RPTOR: variants seen among roughly 807,000 people sequenced by gnomAD.
RPTOR encodes regulatory-associated protein of mTOR.
A neutral mutation model predicts 169.9 loss-of-function variants in RPTOR; 21 were observed. That is an observed-to-expected ratio of 0.12 (90% CI 0.09 to 0.18). The LOEUF is 0.18. RPTOR is among the 10% of genes least tolerant of loss of function. RPTOR has a pLI of 1.00. For synonymous variants in RPTOR, 732 were observed against 753.2 expected (o/e 0.97, Z 0.46); for missense variants, 1,133 against 1,855.9 (o/e 0.61, Z 7.16).
At position 80,957,797 on chromosome 17, in the gene RPTOR, A is replaced by T. The variant is rs1656788936; in HGVS notation, c.3477+67A>T. ...AGTGTGTGCAGGGCTGGTCCTCGTC[A>T]CAGAACCCAGCAAAGTGTGCGGTGA... is the stretch of plus-strand genomic sequence containing the variant. On this transcript the variant is annotated intron_variant, in intron 29 of 33. Transcript: ENST00000306801. The surrounding 1 kb of genome is among the most constrained non-coding windows in gnomAD (Gnocchi z 4.6). The T allele has an allele frequency of 3.5e-6, 5 of 1,447,976 alleles. No homozygotes were observed. Among genetic ancestry groups the T allele is most frequent in the Non-Finnish European group, 4.8e-6 (5 of 1,032,164 alleles). The allele number at this position is 1,447,976 out of a possible 1,614,324, so 89.7% of individuals were successfully genotyped here.
chr17:80,771,894 A>T (rs539363942), intron 6 of RPTOR, among the ~76,000 whole-genome samples: 1 of 152,164 alleles, frequency 6.6e-6, no homozygotes, highest in African/African-American at 2.4e-5. Context: ...GTCACAGCTC[A>T]CTGCAGCCTC....
chr17:80,933,165 T>C (rs1252789729), intron 24 of RPTOR, among the ~76,000 whole-genome samples: 1 of 152,096 alleles, frequency 6.6e-6, no homozygotes, highest in African/African-American at 2.4e-5. Flanking sequence ...ATAAAACATA[T>C]CATATTGGAA....
intron 1 of RPTOR, among the ~76,000 whole-genome samples, chr17:80,584,544 C>T (rs1016585607): frequency 1.3e-5 from 2 of 151,822 alleles, no homozygotes; most frequent in Non-Finnish European, 2.9e-5. Flanking sequence ...GCCAGGAGTG[C>T]GATTTTTCCT....
intron 1 of RPTOR, among the ~76,000 whole-genome samples, chr17:80,551,550 C>T (rs1280445654): frequency 6.6e-6 from 1 of 152,236 alleles, no homozygotes; most frequent in East Asian, 1.9e-4. Context: ...TATCTCAATG[C>T]TTTACAAAGC....
chr17:80,590,895 G>A (rs976368629), intron 1 of RPTOR, among the ~76,000 whole-genome samples: 1 of 151,354 alleles, frequency 6.6e-6, no homozygotes, highest in African/African-American at 2.4e-5. Flanking sequence ...AGAACTTCCA[G>A]TTACTCATCT....
rs768404459 is a variant in RPTOR at position 80,923,495 on chromosome 17, C to T, written c.2630C>T (p.Ser877Phe). The stretch of plus-strand genomic sequence containing the variant: ...TGTTTTTCTTCCAATGGCAGGGGCT[C>T]CCCTCCGGCGTCCAGCACCAGCAGC... ...KGVHIHQAGG[S>F]PPASSTSSSS... is the part of the protein sequence containing the mutation. Residue 877 changes from serine (S) to phenylalanine (F), a missense_variant, in exon 23 of 34, where the codon TCC (serine) becomes TTC (phenylalanine). By Grantham distance (155) the Ser-to-Phe change is radical. Around this residue, in one of 9 missense-constraint regions of RPTOR, gnomAD observed 123 missense variants for 129.0 expected, o/e 0.95. Transcript: ENST00000306801. 6.2e-7 allele frequency: 1 copy of T among 1,613,416 alleles called. No individual in the cohort carries two copies. Among genetic ancestry groups the T allele is most frequent in the South Asian group, 1.1e-5 (1 of 91,084 alleles).
chr17:80,554,939 A>G (rs942102501), intron 1 of RPTOR, among the ~76,000 whole-genome samples: 3 of 152,210 alleles, frequency 2.0e-5, no homozygotes, highest in African/African-American at 7.2e-5. Flanking sequence ...AATATATAAT[A>G]AGTTTGATTT....
At chr17:80,852,774 C>T (rs1218441110) in intron 11 of RPTOR, among the ~76,000 whole-genome samples, 7 of 151,956 alleles carry the variant, frequency 4.6e-5, no homozygotes, top group Admixed American at 6.5e-5. Context: ...TCCCTCTCCA[C>T]GGCTCCCCAG....
At chr17:80,884,498 A>G (rs2068220660) in intron 16 of RPTOR, among the ~76,000 whole-genome samples, 1 of 152,206 alleles carries the variant, frequency 6.6e-6, no homozygotes, top group South Asian at 2.1e-4. Flanking sequence ...ACTCAGGGAC[A>G]GTGACTTCTC....
At chr17:80,842,411 C>T (rs765255161) in intron 10 of RPTOR, among the ~76,000 whole-genome samples, 9 of 152,248 alleles carry the variant, frequency 5.9e-5, no homozygotes, top group South Asian at 2.1e-4. Flanking sequence ...GCTGGCCTCC[C>T]GTTCAGGGGC....
intron 3 of RPTOR, among the ~76,000 whole-genome samples, chr17:80,663,679 CACATT>C (rs2065741747): frequency 6.6e-6 from 1 of 152,144 alleles, no homozygotes; most frequent in African/African-American, 2.4e-5. Flanking sequence ...ATTGCTTTTA[CACATT>C]ACTGGGCTTA....
chr17:80,879,540 G>A (rs571804767), intron 13 of RPTOR, among the ~76,000 whole-genome samples: 1 of 151,598 alleles, frequency 6.6e-6, no homozygotes, highest in East Asian at 1.9e-4. Flanking sequence ...GGACAGTTCT[G>A]TCTGCTCATC....
At chr17:80,944,865 C>A (rs576892854) in intron 25 of RPTOR, among the ~76,000 whole-genome samples, 18 of 152,044 alleles carry the variant, frequency 1.2e-4, no homozygotes, top group Non-Finnish European at 2.2e-4. Context: ...GTGGCGGATG[C>A]CTGTAATCCC....
Position 80,960,355 on chromosome 17 carries a change from C to A in RPTOR, c.3605+150C>A. 9.0e-7 allele frequency: 1 copy of A among 1,113,650 alleles called. No individual in the cohort carries two copies. The highest frequency in any genetic ancestry group is 1.3e-6 in the Non-Finnish European group (1 of 787,388). 69.0% of individuals were successfully genotyped at this position (1,113,650 alleles called of 1,614,324 possible). On this transcript the variant is annotated intron_variant, in intron 30 of 33. Transcript: ENST00000306801. This position sits in a 1 kb window ranked among gnomAD's most constrained non-coding sequence, Gnocchi z 4.8. ...CTGCAGTGGCGTATTTAGGCCAGTC[C>A]TGGGCTCCCCAAAGCCGCCAGGCCC...
chr17:80,742,146 G>A (rs191083944), intron 5 of RPTOR, among the ~76,000 whole-genome samples: 2 of 152,324 alleles, frequency 1.3e-5, no homozygotes, highest in African/African-American at 4.8e-5. Context: ...GCGATGCCAT[G>A]TGGAAGCTCC....
At chr17:80,926,564 G>A (rs568550745) in intron 24 of RPTOR, among the ~76,000 whole-genome samples, 23 of 152,320 alleles carry the variant, frequency 1.5e-4, no homozygotes, top group African/African-American at 5.5e-4. Flanking sequence ...TCCACAGAGG[G>A]TGAATAGTTA....
intron 6 of RPTOR, among the ~76,000 whole-genome samples, chr17:80,771,293 C>CCCCTCTGAGATAAT (rs1329770817): frequency 2.0e-5 from 3 of 152,200 alleles, no homozygotes; most frequent in Non-Finnish European, 2.9e-5. Context: ...ACTATCCTGA[C>CCCCTCTGAGATAAT]CCCTCTGAGA....
In RPTOR at chr17:80,886,878, C is replaced by T. The variant is rs141245283; in HGVS notation, c.1983+1730C>T. Reference sequence around the variant, plus strand: ...TGACAGCCCCTGCCCTCCGGGAGCACGTGGTCTAATCAAAGAGGCAGATAC... The same window carrying T: ...TGACAGCCCCTGCCCTCCGGGAGCATGTGGTCTAATCAAAGAGGCAGATAC... On this transcript the variant is annotated intron_variant, in intron 17 of 33. Coordinates refer to ENST00000306801, the MANE Select transcript of RPTOR (RefSeq NM_020761.3). Among the ~76,000 whole-genome samples, 839 of 152,322 alleles carry T rather than the reference C, an allele frequency of 5.5e-3. 14 individuals carry two copies. The highest frequency in any genetic ancestry group is 0.019 in the African/African-American group (783 of 41,566).
chr17:80,837,235 G>T (rs1300335542), intron 9 of RPTOR, among the ~76,000 whole-genome samples: 2 of 152,264 alleles, frequency 1.3e-5, no homozygotes, highest in East Asian at 1.9e-4. Context: ...CTGTGGCTTG[G>T]GGGGAGCAGC....
Sources: allele counts gnomAD v4.1 joint callset (sites outside exome capture counted in the v4.1 genomes callset), GRCh38; gene constraint gnomAD v4.1.1; regional missense constraint gnomAD v4.1.1; non-coding constraint Gnocchi (gnomAD v3.1); transcripts MANE v1.5; gene names NCBI Gene and HGNC (gene_info 2026-07-23, HGNC 2026-07-21).